CDYL: variants seen among roughly 807,000 people sequenced by gnomAD.
The protein encoded by CDYL is chromodomain Y-like protein.
Under a neutral mutation model 47.3 loss-of-function variants are expected in CDYL, and 8 were observed. The observed-to-expected ratio is 0.17, with a 90% confidence interval of 0.10 to 0.31. The LOEUF (loss-of-function observed/expected upper bound fraction) is 0.31, where lower values mean the gene tolerates loss of function less well. CDYL is among the 10% of genes least tolerant of loss of function. The pLI is 1.00. For synonymous variants in CDYL, 266 were observed against 265.0 expected (o/e 1.00, Z -0.04); for missense variants, 471 against 701.4 (o/e 0.67, Z 3.71).
intron 2 of CDYL, chr6:4,928,806 G>T (rs1413144429): frequency 3.3e-5 from 5 of 151,560 alleles, no homozygotes. Flanking sequence ...TCAGTCTCGA[G>T]AATTTATATT....
intron 1 of CDYL, chr6:4,836,157 C>T (rs919706377): frequency 8.3e-5 from 25 of 300,508 alleles, no homozygotes; most frequent in Admixed American, 1.9e-4. Context: ...GCTGAAATCA[C>T]CTGTCTTCTG....
chr6:4,935,127 C>T (rs1348930087), intron 2 of CDYL, among the ~76,000 whole-genome samples: 3 of 152,232 alleles, frequency 2.0e-5, no homozygotes, highest in South Asian at 2.1e-4. Flanking sequence ...ATGGCCTTGA[C>T]TCTAATAATA....
intron 3 of CDYL, among the ~76,000 whole-genome samples, chr6:4,746,336 C>T (rs1275796364): frequency 1.3e-5 from 2 of 148,758 alleles, no homozygotes; most frequent in Admixed American, 1.3e-4. Flanking sequence ...TGCACTTCAG[C>T]CTGGGTGACA....
At chr6:4,839,137 C>T (rs550023225) in intron 1 of CDYL, among the ~76,000 whole-genome samples, 5 of 152,274 alleles carry the variant, frequency 3.3e-5, no homozygotes, top group South Asian at 2.1e-4. Flanking sequence ...GAGGTGGTAT[C>T]GCATTGTGGT....
At chr6:4,893,140 GGCTTCCT>G (rs1274332138) in intron 2 of CDYL, among the ~76,000 whole-genome samples, 2 of 152,172 alleles carry the variant, frequency 1.3e-5, no homozygotes, top group Non-Finnish European at 2.9e-5. Context: ...TTTCTAATAG[GGCTTCCT>G]GCTTCCTGCC....
chr6:4,867,778 T>G (rs904498065), intron 1 of CDYL, among the ~76,000 whole-genome samples: 4 of 151,456 alleles, frequency 2.6e-5, no homozygotes, highest in Admixed American at 6.6e-5. Context: ...TGGGGTTTTT[T>G]TTTTTTTTTT....
intron 1 of CDYL, among the ~76,000 whole-genome samples, chr6:4,858,057 C>T (rs1761060672): frequency 6.7e-6 from 1 of 148,650 alleles, no homozygotes; most frequent in African/African-American, 2.5e-5. Flanking sequence ...CAAGGCTCTG[C>T]CTCCTTCACT....
intron 1 of CDYL, among the ~76,000 whole-genome samples, chr6:4,817,863 A>G (rs1759717410): frequency 6.6e-6 from 1 of 152,216 alleles, no homozygotes; most frequent in East Asian, 1.9e-4. Flanking sequence ...TTCATATTAA[A>G]AACGTTTAGG....
At chr6:4,706,940 A>G (rs1320365255) in intron 1 of CDYL, among the ~76,000 whole-genome samples, 1 of 152,230 alleles carries the variant, frequency 6.6e-6, no homozygotes, top group African/African-American at 2.4e-5. Context: ...TGGAAGGAAC[A>G]GAATGGTGAA....
chr6:4,808,722 T>C (rs1454019656), intron 1 of CDYL, among the ~76,000 whole-genome samples: 3 of 152,272 alleles, frequency 2.0e-5, no homozygotes, highest in African/African-American at 7.2e-5. Context: ...TTGCTGACTC[T>C]TAAAGTCCAA....
chr6:4,725,604 C>T (rs374466900), intron 2 of CDYL, among the ~76,000 whole-genome samples: 2 of 152,210 alleles, frequency 1.3e-5, no homozygotes, highest in East Asian at 1.9e-4. Flanking sequence ...TGCGGGCGGA[C>T]CTGCCCGCCG....
chr6:4,838,146 G>C (rs141530732), intron 1 of CDYL, among the ~76,000 whole-genome samples: 9 of 151,784 alleles, frequency 5.9e-5, no homozygotes, highest in African/African-American at 2.2e-4. Flanking sequence ...AAAGTTTTTC[G>C]GTATGTCTTT....
chr6:4,759,836 G>A (rs1219494326), intron 3 of CDYL, among the ~76,000 whole-genome samples: 23 of 117,226 alleles, frequency 2.0e-4, no homozygotes, highest in Admixed American at 1.4e-3. Flanking sequence ...CCGAGATCAC[G>A]CCATTGCACT....
intron 1 of CDYL, among the ~76,000 whole-genome samples, chr6:4,780,436 G>A (rs1433552472): frequency 4.7e-5 from 2 of 42,494 alleles, no homozygotes; most frequent in African/African-American, 1.6e-4. Context: ...CCCGGCTAAT[G>A]TTTTGTATTT....
At chr6:4,814,311 G>A (rs749236799) in intron 1 of CDYL, among the ~76,000 whole-genome samples, 1 of 152,082 alleles carries the variant, frequency 6.6e-6, no homozygotes, top group Non-Finnish European at 1.5e-5. Context: ...TTTTAGAGTT[G>A]AAATCATGAG....
chr6:4,923,528 CAT>C (rs1757777189), intron 2 of CDYL, among the ~76,000 whole-genome samples: 1 of 152,128 alleles, frequency 6.6e-6, no homozygotes, highest in Non-Finnish European at 1.5e-5. Context: ...CTGCAATAAA[CAT>C]GGGAGTGCAG....
chr6:4,866,159 G>A (rs1369061646), intron 1 of CDYL, among the ~76,000 whole-genome samples: 1 of 152,070 alleles, frequency 6.6e-6, no homozygotes, highest in Non-Finnish European at 1.5e-5. Context: ...AAACAAACCG[G>A]AATTAAGAGT....
chr6:4,938,638 A>G (rs1027680312), intron 4 of CDYL, among the ~76,000 whole-genome samples: 10 of 152,224 alleles, frequency 6.6e-5, no homozygotes, highest in Non-Finnish European at 1.3e-4. Flanking sequence ...ATAAAAATAC[A>G]TTAACTGTGG....
At chr6:4,904,188 A>C (rs1023414873) in intron 2 of CDYL, among the ~76,000 whole-genome samples, 1 of 152,230 alleles carries the variant, frequency 6.6e-6, no homozygotes, top group Non-Finnish European at 1.5e-5. Context: ...ATGCCAGACT[A>C]TTGTTAAGAA....
Sources: gnomAD v4.1 joint callset for allele counts (sites outside exome capture counted in the v4.1 genomes callset) on GRCh38, gnomAD v4.1.1 for gene constraint, MANE v1.5 for transcripts, NCBI Gene and HGNC (gene_info 2026-07-23, HGNC 2026-07-21) for gene names.